Variants in PARD3B observed in about 807,000 individuals in gnomAD.
The protein encoded by PARD3B is par-3 family cell polarity regulator beta.
A neutral mutation model predicts 130.2 loss-of-function variants in PARD3B; 103 were observed. The observed-to-expected ratio is 0.79, with a 90% confidence interval of 0.67 to 0.93. PARD3B has a LOEUF of 0.93. PARD3B is among the 40% of genes least tolerant of loss of function. The pLI is 0.00. For synonymous variants in PARD3B, 583 were observed against 553.2 expected (o/e 1.05, Z -0.76); for missense variants, 1,609 against 1,499.2 (o/e 1.07, Z -1.21).
intron 2 of PARD3B, among the ~76,000 whole-genome samples, chr2:204,782,198 A>G (rs757605430): frequency 6.6e-6 from 1 of 152,042 alleles, no homozygotes; most frequent in African/African-American, 2.4e-5. Flanking sequence ...CTGGCATGCT[A>G]CAGCTGTGAC....
intron 4 of PARD3B, among the ~76,000 whole-genome samples, chr2:205,089,222 G>A (rs1701947651): frequency 6.6e-6 from 1 of 150,548 alleles, no homozygotes; most frequent in South Asian, 2.1e-4. Context: ...CTAGGCTGGA[G>A]TGCGATGGCA....
intron 2 of PARD3B, among the ~76,000 whole-genome samples, chr2:204,963,254 T>C (rs1559304387): frequency 6.6e-6 from 1 of 152,152 alleles, no homozygotes; most frequent in Non-Finnish European, 1.5e-5. Context: ...TGTATTCTTA[T>C]GTGGATAAAA....
At chr2:205,231,677 C>G (rs546104227) in intron 15 of PARD3B, among the ~76,000 whole-genome samples, 48 of 152,084 alleles carry the variant, frequency 3.2e-4, no homozygotes, top group African/African-American at 1.1e-3. Context: ...AAATTAATAC[C>G]ATACTATGAA....
chr2:204,974,427 G>A (rs534373904), intron 3 of PARD3B, among the ~76,000 whole-genome samples: 19 of 152,228 alleles, frequency 1.2e-4, no homozygotes, highest in South Asian at 6.2e-4. Context: ...AAAATAAGCC[G>A]TAACTTCAAT....
intron 2 of PARD3B, among the ~76,000 whole-genome samples, chr2:204,752,264 A>G (rs557601276): frequency 1.3e-5 from 2 of 152,250 alleles, no homozygotes; most frequent in East Asian, 3.9e-4. Context: ...TTATGTCTTT[A>G]TGATTCCATT....
intron 1 of PARD3B, among the ~76,000 whole-genome samples, chr2:204,570,378 A>G (rs984938637): frequency 2.0e-5 from 3 of 152,180 alleles, no homozygotes; most frequent in African/African-American, 7.2e-5. Context: ...TTGGGAAGAC[A>G]AATAGGCTGC....
intron 2 of PARD3B, among the ~76,000 whole-genome samples, chr2:204,882,526 C>G (rs918444960): frequency 1.3e-5 from 2 of 152,186 alleles, no homozygotes; most frequent in Non-Finnish European, 2.9e-5. Context: ...TACCTCCCCT[C>G]CTTCATCCTT....
intron 3 of PARD3B, among the ~76,000 whole-genome samples, chr2:204,976,167 C>A (rs1692129356): frequency 6.6e-6 from 1 of 152,106 alleles, no homozygotes. Context: ...TCTCTGATAT[C>A]TTGATGAAGC....
chr2:204,677,440 CA>C lies in PARD3B; in HGVS notation c.121-8738del, dbSNP rs1355343690. Reference sequence around the variant, plus strand: ...AACTGTAGTTCTGTCTTTGAAATAGCAAAGTGTTTTCCTTTTTGTTCTCCAA... The same window carrying C: ...AACTGTAGTTCTGTCTTTGAAATAGCAAGTGTTTTCCTTTTTGTTCTCCAA... On this transcript the variant is annotated intron_variant, in intron 1 of 22. Coordinates refer to ENST00000406610, the MANE Select transcript of PARD3B (RefSeq NM_001302769.2). The surrounding 1 kb of genome is among the most constrained non-coding windows in gnomAD (Gnocchi z 4.1). Among the ~76,000 whole-genome samples, 3 of 152,176 alleles carry C rather than the reference CA, an allele frequency of 2.0e-5. No homozygotes were observed. Among genetic ancestry groups the C allele is most frequent in the Non-Finnish European group, 4.4e-5 (3 of 68,032 alleles).
chr2:204,775,251 T>C lies in PARD3B; in HGVS notation c.222+88969T>C, dbSNP rs2041569154. 2.0e-5 allele frequency among the ~76,000 whole-genome samples: 3 copies of C among 152,140 alleles called. No homozygotes were observed. In the South Asian group the frequency reaches 6.2e-4, roughly 32 times the overall value. ...AAGTGTACTGCATAAAAGTATGTTT[T>C]AGTTATCAGAAATTTAATCACTAAT... On this transcript the variant is annotated intron_variant, in intron 2 of 22. Coordinates refer to ENST00000406610, the MANE Select transcript of PARD3B (RefSeq NM_001302769.2).
At chr2:205,566,445 A>C (rs950718128) in intron 22 of PARD3B, among the ~76,000 whole-genome samples, 34 of 152,102 alleles carry the variant, frequency 2.2e-4, no homozygotes, top group Non-Finnish European at 8.8e-5. Flanking sequence ...GATGGATTGC[A>C]TGTGGGGGTT....
chr2:204,894,172 G>C (rs548006352), intron 2 of PARD3B, among the ~76,000 whole-genome samples: 1 of 151,984 alleles, frequency 6.6e-6, no homozygotes, highest in African/African-American at 2.4e-5. Flanking sequence ...GGCATTAAGG[G>C]TTTTTTTGAT....
At chr2:204,961,581 G>A (rs1690751512) in intron 2 of PARD3B, among the ~76,000 whole-genome samples, 1 of 152,180 alleles carries the variant, frequency 6.6e-6, no homozygotes, top group African/African-American at 2.4e-5. Context: ...TTTATCAGCC[G>A]ATAGAGTTAT....
chr2:204,849,189 C>T (rs2044601137), intron 2 of PARD3B, among the ~76,000 whole-genome samples: 1 of 151,988 alleles, frequency 6.6e-6, no homozygotes, highest in Admixed American at 6.6e-5. Flanking sequence ...GTCTATTAAT[C>T]TTGACAGAAT....
chr2:204,632,586 C>G (rs2034718652), intron 1 of PARD3B, among the ~76,000 whole-genome samples: 2 of 152,100 alleles, frequency 1.3e-5, no homozygotes, highest in Admixed American at 1.3e-4. Context: ...ACCCTAGGTG[C>G]CTGGGTTTTG....
intron 2 of PARD3B, among the ~76,000 whole-genome samples, chr2:204,739,867 A>G (rs1372934211): frequency 6.6e-6 from 1 of 152,118 alleles, no homozygotes; most frequent in Non-Finnish European, 1.5e-5. Context: ...CCTTTTTAAG[A>G]ATAAAGCTTC....
intron 18 of PARD3B, among the ~76,000 whole-genome samples, chr2:205,385,743 C>T (rs1158228096): frequency 2.0e-5 from 3 of 151,996 alleles, no homozygotes; most frequent in African/African-American, 7.3e-5. Flanking sequence ...TAGTAGCTAC[C>T]AGTCAGTGAA....
Position 205,121,171 on chromosome 2 carries a change from T to G in PARD3B, c.807-420T>G, listed in dbSNP as rs2030666738. On this transcript the variant is annotated intron_variant, in intron 7 of 22. Transcript: ENST00000406610. The surrounding 1 kb of genome is among the most constrained non-coding windows in gnomAD (Gnocchi z 5.0). ...AAGGATGTCCTAAAAGAAACCTAAC[T>G]AATGATCTGATCCAAAATATCTATT... Among the ~76,000 whole-genome samples, 1 of 152,222 alleles carries G rather than the reference T, an allele frequency of 6.6e-6. No individual in the cohort carries two copies. Among genetic ancestry groups the G allele is most frequent in the African/African-American group, 2.4e-5 (1 of 41,468 alleles).
intron 22 of PARD3B, among the ~76,000 whole-genome samples, chr2:205,567,862 G>A (rs1370476431): frequency 2.0e-5 from 3 of 152,172 alleles, no homozygotes; most frequent in South Asian, 4.2e-4. Context: ...CCAGTACAGA[G>A]CACATTAATG....
Sources: gnomAD v4.1 joint callset for allele counts (sites outside exome capture counted in the v4.1 genomes callset) on GRCh38, gnomAD v4.1.1 for gene constraint, Gnocchi (gnomAD v3.1) non-coding constraint, MANE v1.5 for transcripts, NCBI Gene and HGNC (gene_info 2026-07-23, HGNC 2026-07-21) for gene names.